LRP1B: variants seen among roughly 807,000 people sequenced by gnomAD.
LRP1B encodes low-density lipoprotein receptor-related protein 1B.
In LRP1B, 217 loss-of-function variants were observed where a neutral mutation model predicts 556.6. The ratio of observed to expected loss-of-function variants is 0.39; its 90% CI spans 0.35 to 0.44. The LOEUF is 0.44. Ranked by LOEUF, LRP1B falls within the 20% of genes least tolerant of loss-of-function variation. The pLI, the probability that LRP1B is intolerant of heterozygous loss-of-function variation, is 1.00. For missense variants in LRP1B, 5,053 were observed against 5,620.8 expected (o/e 0.90, Z 3.23); for synonymous variants, 2,047 against 1,865.8 (o/e 1.10, Z -2.50).
At chr2:141,539,923 C>T (rs2105207342) in intron 2 of LRP1B, among the ~76,000 whole-genome samples, 1 of 152,198 alleles carries the variant, frequency 6.6e-6, no homozygotes, top group South Asian at 2.1e-4. Flanking sequence ...TTTTCCACGT[C>T]CTAGGTTAGG....
intron 2 of LRP1B, among the ~76,000 whole-genome samples, chr2:141,525,192 G>T (rs1408924245): frequency 3.9e-5 from 6 of 152,090 alleles, no homozygotes; most frequent in Admixed American, 1.3e-4. Flanking sequence ...ACATGAGTGG[G>T]TTTTAGGTGA....
chr2:142,100,140 G>A (rs1400944585), intron 1 of LRP1B, among the ~76,000 whole-genome samples: 1 of 151,810 alleles, frequency 6.6e-6, no homozygotes, highest in Non-Finnish European at 1.5e-5. Context: ...CTAAATTTAA[G>A]GATACTTGGT....
intron 6 of LRP1B, among the ~76,000 whole-genome samples, chr2:141,213,704 A>G (rs1323746343): frequency 6.6e-6 from 1 of 152,228 alleles, no homozygotes; most frequent in African/African-American, 2.4e-5. Flanking sequence ...ACCTATGCAC[A>G]TGCTTCTGTA....
At chr2:140,378,353 A>T in intron 67 of LRP1B, 67 bp from the exon 68 acceptor site, 3 of 813,938 alleles carry the variant, frequency 3.7e-6, no homozygotes, top group Non-Finnish European at 6.2e-6. Context: ...TTTATATGAC[A>T]TATGACATGA....
At chr2:140,793,746 T>A (rs1690203100) in intron 32 of LRP1B, among the ~76,000 whole-genome samples, 1 of 151,998 alleles carries the variant, frequency 6.6e-6, no homozygotes, top group Admixed American at 6.6e-5. Flanking sequence ...ATTTCAATAA[T>A]CATTTACCAA....
At chr2:140,265,366 AT>A (rs1682153216) in intron 86 of LRP1B, among the ~76,000 whole-genome samples, 1 of 152,142 alleles carries the variant, frequency 6.6e-6, no homozygotes, top group Admixed American at 6.6e-5. Flanking sequence ...ATGCAAAAAA[AT>A]CTAGTTTTTG....
chr2:141,410,376 G>T (rs538157101), intron 3 of LRP1B, among the ~76,000 whole-genome samples: 6 of 152,040 alleles, frequency 3.9e-5, no homozygotes, highest in African/African-American at 1.2e-4. Flanking sequence ...TTAAACTGTG[G>T]TTCTCTCATA....
chr2:141,976,972 T>G (rs1379598741), intron 1 of LRP1B, among the ~76,000 whole-genome samples: 1 of 152,144 alleles, frequency 6.6e-6, no homozygotes, highest in African/African-American at 2.4e-5. Context: ...CTTCTTATAA[T>G]TACACTTTTT....
chr2:140,366,864 A>G (rs990032756), intron 71 of LRP1B, among the ~76,000 whole-genome samples: 5 of 151,758 alleles, frequency 3.3e-5, no homozygotes, highest in African/African-American at 9.7e-5. Flanking sequence ...GGAAGAACAG[A>G]TCCCTGAACA....
At chr2:141,338,707 C>G (rs767157485) in intron 3 of LRP1B, among the ~76,000 whole-genome samples, 18 of 152,116 alleles carry the variant, frequency 1.2e-4, no homozygotes, top group Non-Finnish European at 2.6e-4. Context: ...GTTTCCAAAG[C>G]CTTCTAAATT....
chr2:140,988,543 A>G (rs1696996133), intron 17 of LRP1B, among the ~76,000 whole-genome samples: 1 of 151,844 alleles, frequency 6.6e-6, no homozygotes, highest in Non-Finnish European at 1.5e-5. Flanking sequence ...TATAGTTAAT[A>G]CTCTTACCGT....
chr2:140,382,210 ATCT>A (rs1360862699), intron 67 of LRP1B, among the ~76,000 whole-genome samples: 3 of 152,190 alleles, frequency 2.0e-5, no homozygotes, highest in African/African-American at 7.2e-5. Context: ...TATACAAATA[ATCT>A]TCTGATAGAA....
intron 23 of LRP1B, among the ~76,000 whole-genome samples, chr2:140,888,471 C>T (rs1160274415): frequency 6.6e-6 from 1 of 150,680 alleles, no homozygotes; most frequent in African/African-American, 2.4e-5. Flanking sequence ...AGATAGATGA[C>T]CTATGGCAGA....
intron 3 of LRP1B, among the ~76,000 whole-genome samples, chr2:141,285,497 C>T (rs1208191626): frequency 1.4e-5 from 2 of 141,110 alleles, no homozygotes; most frequent in Non-Finnish European, 3.1e-5. Flanking sequence ...GTTCTGTCGC[C>T]CAGGGTGGAG....
chr2:140,743,972 AAAAAAAAAAAAAAAAAAAAGT>A (rs1257994389), intron 35 of LRP1B, among the ~76,000 whole-genome samples: 1 of 40,738 alleles, frequency 2.5e-5, no homozygotes, highest in Non-Finnish European at 5.8e-5. Context: ...TCTCAAAAAA[AAAAAAAAAAAAAAAAAAAAGT>A]AAAAAGTAAA....
chr2:141,249,993 T>G (rs1341653241), intron 4 of LRP1B, among the ~76,000 whole-genome samples: 1 of 152,064 alleles, frequency 6.6e-6, no homozygotes, highest in Non-Finnish European at 1.5e-5. Flanking sequence ...GGGACTCCTG[T>G]AAATAATTCT....
At chr2:141,982,907 A>T (rs1702081813) in intron 1 of LRP1B, among the ~76,000 whole-genome samples, 1 of 152,214 alleles carries the variant, frequency 6.6e-6, no homozygotes, top group African/African-American at 2.4e-5. Flanking sequence ...TTTACATTTC[A>T]TTTGCATTTC....
chr2:140,671,655 C>T (rs779017026), intron 41 of LRP1B, among the ~76,000 whole-genome samples: 60 of 152,006 alleles, frequency 3.9e-4, no homozygotes, highest in Non-Finnish European at 6.8e-4. Flanking sequence ...ACATTTTTTT[C>T]TCTCTATCTC....
chr2:140,522,132 A>G (rs555678777), intron 49 of LRP1B, among the ~76,000 whole-genome samples: 1 of 152,148 alleles, frequency 6.6e-6, no homozygotes, highest in East Asian at 1.9e-4. Context: ...TAGCATATAC[A>G]TTCTTCTCAT....
Sources: gnomAD v4.1 joint callset for allele counts (sites outside exome capture counted in the v4.1 genomes callset) on GRCh38, gnomAD v4.1.1 for gene constraint, MANE v1.5 for transcripts, NCBI Gene and HGNC (gene_info 2026-07-23, HGNC 2026-07-21) for gene names.